The following AARS1 variants were observed in gnomAD, a reference collection of about 807,000 sequenced individuals.
AARS1 encodes the protein alanine--tRNA ligase, cytoplasmic.
In AARS1, 72 loss-of-function variants were observed where a neutral mutation model predicts 108.9. The observed-to-expected ratio is 0.66, with a 90% confidence interval of 0.55 to 0.80. The LOEUF (loss-of-function observed/expected upper bound fraction) is 0.80, where lower values mean the gene tolerates loss of function less well. Among genes scored for constraint, AARS1 ranks in the 30% least tolerant of loss-of-function variants. The pLI, the probability that AARS1 is intolerant of heterozygous loss-of-function variation, is 0.00. For missense variants in AARS1, 1,193 were observed against 1,233.2 expected (o/e 0.97, Z 0.49); for synonymous variants, 489 against 465.7 (o/e 1.05, Z -0.64).
intron 19 of AARS1, 164 bp from the exon 20 acceptor site, chr16:70,253,545 A>G (rs1255663584): frequency 2.9e-6 from 3 of 1,025,380 alleles, no homozygotes; most frequent in Non-Finnish European, 4.4e-6. Context: ...CCCTGCCCCT[A>G]CCCTGGCCCA....
In AARS1 at chr16:70,269,767, T is replaced by G. The variant is rs746210439; in HGVS notation, c.817-4A>C. On this transcript the variant is annotated splice_polypyrimidine_tract_variant and splice_region_variant and intron_variant, in intron 6 of 20. Transcript: ENST00000261772. ...TGTATGGTCGGGCACCTGTGCCCTATAGATAAGAATCAGGAGGCAGCCCTT... is the reference window on the plus strand; with the variant it reads ...TGTATGGTCGGGCACCTGTGCCCTAGAGATAAGAATCAGGAGGCAGCCCTT... The G allele has an allele frequency of 6.2e-7, 1 of 1,614,100 alleles. No individual in the cohort carries two copies. The highest frequency in any genetic ancestry group is 1.3e-5 in the African/African-American group (1 of 75,058).
At chr16:70,285,430 C>A (rs1960815480) in intron 1 of AARS1, among the ~76,000 whole-genome samples, 1 of 152,056 alleles carries the variant, frequency 6.6e-6, no homozygotes. Flanking sequence ...CAGTTGCACA[C>A]CAGCATGCCC....
chr16:70,274,296 G>A (rs566845935), intron 4 of AARS1, among the ~76,000 whole-genome samples: 9 of 150,440 alleles, frequency 6.0e-5, no homozygotes, highest in African/African-American at 7.4e-5. Flanking sequence ...AGCCAAGATC[G>A]CACCATCACA....
At position 70,253,782 on chromosome 16, in the gene AARS1, G is replaced by C. The variant is rs1959908040; in HGVS notation, c.2539C>G (p.Gln847Glu). The C allele has an allele frequency of 6.2e-7, 1 of 1,614,164 alleles. No homozygotes were observed. The highest frequency in any genetic ancestry group is 1.7e-5 in the Admixed American group (1 of 60,022). Residue 847 changes from glutamine (Q) to glutamate (E), a missense_variant, in exon 19 of 21, where the codon CAG (glutamine) becomes GAG (glutamate). Physicochemically the swap from Gln to Glu is conservative, Grantham distance 29. Transcript: ENST00000261772. ...VQKRVLEKTK[Q>E]FIDSNPNQPL... is the part of the protein sequence containing the mutation. ...TGGTTGGGGTTGCTGTCGATGAACT[G>C]CTTCGTCTTCTCTAACACCTGCAAG... is the stretch of plus-strand genomic sequence containing the variant.
intron 2 of AARS1, among the ~76,000 whole-genome samples, chr16:70,279,047 T>G (rs1044987090): frequency 6.6e-6 from 1 of 152,212 alleles, no homozygotes; most frequent in East Asian, 1.9e-4. Flanking sequence ...TGACAGCTAC[T>G]GTCAATAAGA....
chr16:70,253,874 C>T, intron 18 of AARS1, 45 bp downstream of exon 18: 1 of 1,614,250 alleles, frequency 6.2e-7, no homozygotes, highest in Non-Finnish European at 8.5e-7. Flanking sequence ...TTCTGCCAGC[C>T]TTTGCCTAGG....
rs774737730 is a variant in AARS1, at chr16:70,254,667, G to C, written c.2354C>G (p.Thr785Ser). 1 of 1,614,128 alleles carries C rather than the reference G, an allele frequency of 6.2e-7. No individual in the cohort carries two copies. Residue 785 changes from threonine (T) to serine (S), a missense_variant, in exon 17 of 21, where the codon ACT (threonine) becomes AGT (serine). Coordinates refer to ENST00000261772, the MANE Select transcript of AARS1 (RefSeq NM_001605.3). Reference sequence around the variant, plus strand: ...CCTCTGCACATCCTTGTTTGGAGCAGTCTGAGCCTTCACTTTGGCTTCCAT... The same window carrying C: ...CCTCTGCACATCCTTGTTTGGAGCACTCTGAGCCTTCACTTTGGCTTCCAT... ...SVMEAKVKAQ[T>S]APNKDVQREI...
intron 2 of AARS1, among the ~76,000 whole-genome samples, chr16:70,279,575 G>A (rs1348279945): frequency 4.1e-5 from 6 of 147,574 alleles, no homozygotes; most frequent in East Asian, 2.0e-4. Context: ...CAGGAGAATC[G>A]CTTGAATCCA....
chr16:70,255,193 C>CTTTTTTTT lies in AARS1; in HGVS notation c.2287-460_2287-459insAAAAAAAA, dbSNP rs1567601605. Among the ~76,000 whole-genome samples, 289 of 124,668 alleles carry CTTTTTTTT rather than the reference C, an allele frequency of 2.3e-3. 8 individuals are homozygous for CTTTTTTTT. The highest frequency in any genetic ancestry group is 8.9e-3 in the African/African-American group (278 of 31,396). The allele number at this position is 124,668 out of a possible 152,430, so 81.8% of individuals were successfully genotyped here. A position where few individuals can be genotyped will look rare whatever the true frequency, so the allele number is the denominator to read the frequency against. ...AGGAGGGGGTAGATGGCCAGATTCA[C>CTTTTTTTT]ATTTTTTTTTTTTTTTTTTTTTTGG... On this transcript the variant is annotated intron_variant, in intron 16 of 20. Transcript: ENST00000261772.
chr16:70,252,951 T>A (rs1449866443), intron 20 of AARS1, 45 bp from the exon 21 acceptor site: 1 of 1,590,768 alleles, frequency 6.3e-7, no homozygotes, highest in Non-Finnish European at 8.6e-7. Context: ...GAAGATGGGA[T>A]TGAGGGAGGA....
At chr16:70,264,004 T>C (rs1371067165) in intron 11 of AARS1, among the ~76,000 whole-genome samples, 1 of 151,932 alleles carries the variant, frequency 6.6e-6, no homozygotes, top group Non-Finnish European at 1.5e-5. Context: ...TCCCAGCACT[T>C]TGGGAGGCCA....
intron 16 of AARS1, among the ~76,000 whole-genome samples, chr16:70,255,478 GTGAGCCACTGCGTCCGGCC>G (rs1959966226): frequency 6.6e-6 from 1 of 152,248 alleles, no homozygotes; most frequent in East Asian, 1.9e-4. Context: ...GATTACAGGC[GTGAGCCACTGCGTCCGGCC>G]TGATTCACAT....
At chr16:70,253,566 C>T in intron 19 of AARS1, 148 bp downstream of exon 19, 1 of 1,091,896 alleles carries the variant, frequency 9.2e-7, no homozygotes, top group Non-Finnish European at 1.4e-6. Flanking sequence ...GGTATGCCTC[C>T]CACATGCAGG....
In AARS1 at chr16:70,255,832, G is replaced by A. The variant is rs761565869; in HGVS notation, c.2182C>T (p.Leu728=). The part of the protein sequence containing the change: ...TSVEFCGGTH[L]RNSSHAGAFV... ...GCTCCTGCATGACTCGAGTTCCGCA[G>A]GTGCCTGAATGGCAGAACACAAAGT... is the stretch of plus-strand genomic sequence containing the variant. Residue 728 remains leucine (L), a synonymous_variant, in exon 16 of 21, where the codon CTG becomes TTG. Transcript: ENST00000261772. 83 of 1,613,116 alleles carry A rather than the reference G, an allele frequency of 5.1e-5. No individual in the cohort carries two copies. The South Asian group carries it at 7.3e-4, about 14-fold the overall frequency.
At position 70,253,729 on chromosome 16, in the gene AARS1, G is replaced by A. The variant is rs11537665; in HGVS notation, c.2592C>T (p.Ser864=). 7.7e-5 allele frequency: 124 copies of A among 1,613,902 alleles called. 1 individual carries two copies. The East Asian group carries it at 1.3e-3, about 17-fold the overall frequency. Residue 864 remains serine, a synonymous_variant, in exon 19 of 21, where the codon AGC becomes AGT. Coordinates refer to ENST00000261772, the MANE Select transcript of AARS1 (RefSeq NM_001605.3). The part of the protein sequence containing the change: ...NQPLVILEME[S]GASAKALNEA... ...CCTGGGTTGCCTTGGCTGAGGCGCCGCTCTCCATCTCCAGGATGACAAGAG... is the reference window on the plus strand; with the variant it reads ...CCTGGGTTGCCTTGGCTGAGGCGCCACTCTCCATCTCCAGGATGACAAGAG...
rs755205317 is a variant in AARS1, at chr16:70,267,642, C to T, written c.1222+17G>A. The T allele has an allele frequency of 3.1e-6, 5 of 1,614,116 alleles. No homozygotes were observed. The highest frequency in any genetic ancestry group is 4.2e-6 in the Non-Finnish European group (5 of 1,180,024). The stretch of plus-strand genomic sequence containing the variant: ...ATCAAACGGCCAGGATGGAGAAGGG[C>T]AAAAACTGGTACCTACCGGGAATGG... On this transcript the variant is annotated intron_variant, in intron 9 of 20. Coordinates refer to ENST00000261772, the MANE Select transcript of AARS1 (RefSeq NM_001605.3).
chr16:70,271,541 A>C (rs1312149490), intron 5 of AARS1, among the ~76,000 whole-genome samples: 3 of 152,096 alleles, frequency 2.0e-5, no homozygotes, highest in Non-Finnish European at 4.4e-5. Flanking sequence ...AAAAACAAAA[A>C]AAAAAAACAG....
Position 70,255,812 on chromosome 16 carries a change from T to TG in AARS1, c.2201dup (p.Gly735ArgfsTer63). 1 of 1,614,072 alleles carries TG rather than the reference T, an allele frequency of 6.2e-7. No individual in the cohort carries two copies. Among genetic ancestry groups the TG allele is most frequent in the Non-Finnish European group, 8.5e-7 (1 of 1,179,974 alleles). Reference sequence around the variant, plus strand: ...CTTCCGTCACGATCACAAAAGCTCCTGCATGACTCGAGTTCCGCAGGTGCC... The same window carrying TG: ...CTTCCGTCACGATCACAAAAGCTCCTGGCATGACTCGAGTTCCGCAGGTGCC... On this transcript the variant is annotated frameshift_variant, in exon 16 of 21. Transcript: ENST00000261772. LOFTEE classifies it high-confidence loss of function.
chr16:70,288,695 T>G (rs1483412349), intron 1 of AARS1, among the ~76,000 whole-genome samples: 1 of 149,988 alleles, frequency 6.7e-6, no homozygotes, highest in East Asian at 2.0e-4. Context: ...GCCTCCGGAG[T>G]GGCTGAGAGT....
Sources: gnomAD v4.1 joint callset for allele counts (sites outside exome capture counted in the v4.1 genomes callset) on GRCh38, gnomAD v4.1.1 for gene constraint, MANE v1.5 for transcripts, NCBI Gene and HGNC (gene_info 2026-07-23, HGNC 2026-07-21) for gene names.